The following ZDHHC2 variants were observed in gnomAD, a reference collection of about 807,000 sequenced individuals.
ZDHHC2 encodes palmitoyltransferase ZDHHC2.
In ZDHHC2, 51 loss-of-function variants were observed where a neutral mutation model predicts 55.6. The observed-to-expected ratio is 0.92, with a 90% CI of 0.73 to 1.16. The LOEUF is 1.16. Among genes scored for constraint, ZDHHC2 ranks in the 50% most tolerant of loss-of-function variants. The pLI is 0.00. For missense variants in ZDHHC2, 491 were observed against 442.4 expected, an observed-to-expected ratio of 1.11 and a Z score of -0.99; for synonymous variants, 199 against 152.9, an observed-to-expected ratio of 1.30 and a Z score of -2.22.
chr8:17,179,307 C>T (rs1022278606), intron 1 of ZDHHC2, among the ~76,000 whole-genome samples: 10 of 152,104 alleles, frequency 6.6e-5, no homozygotes, highest in South Asian at 2.1e-4. Flanking sequence ...GAGCGTAAAG[C>T]GCAGCCAGAT....
At chr8:17,173,512 CA>C (rs199991466) in intron 1 of ZDHHC2, among the ~76,000 whole-genome samples, 6 of 148,888 alleles carry the variant, frequency 4.0e-5, no homozygotes, top group East Asian at 2.0e-4. Flanking sequence ...GCTATCGCTA[CA>C]AAAAAAAATA....
intron 1 of ZDHHC2, among the ~76,000 whole-genome samples, chr8:17,164,236 G>A (rs1476566270): frequency 6.6e-6 from 1 of 152,018 alleles, no homozygotes. Flanking sequence ...AATATTAATT[G>A]CCTGAAGTGT....
At chr8:17,183,031 G>A (rs1805517249) in intron 1 of ZDHHC2, among the ~76,000 whole-genome samples, 1 of 152,146 alleles carries the variant, frequency 6.6e-6, no homozygotes, top group African/African-American at 2.4e-5. Context: ...CAAAATGTTG[G>A]GATTACAGGT....
intron 1 of ZDHHC2, among the ~76,000 whole-genome samples, chr8:17,165,584 A>G (rs1334288365): frequency 6.6e-6 from 1 of 152,196 alleles, no homozygotes; most frequent in Admixed American, 6.5e-5. Flanking sequence ...ACCGTCCATA[A>G]TTCATTGGAC....
intron 3 of ZDHHC2, among the ~76,000 whole-genome samples, chr8:17,192,172 G>T (rs915144614): frequency 4.6e-5 from 7 of 152,048 alleles, no homozygotes; most frequent in African/African-American, 1.7e-4. Flanking sequence ...TTTTTGTAGA[G>T]ATGAGATTTC....
chr8:17,174,979 A>C (rs950516060), intron 1 of ZDHHC2, among the ~76,000 whole-genome samples: 2 of 152,074 alleles, frequency 1.3e-5, no homozygotes, highest in Non-Finnish European at 2.9e-5. Context: ...CAGCTGCCTT[A>C]GCTTCCCAAA....
chr8:17,174,750 G>GC (rs1805045180), intron 1 of ZDHHC2, among the ~76,000 whole-genome samples: 1 of 99,750 alleles, frequency 1.0e-5, no homozygotes, highest in Non-Finnish European at 1.9e-5. Context: ...TGGCTTTGTT[G>GC]CCCAGGCTGG....
At chr8:17,173,520 A>AAC (rs1212433597) in intron 1 of ZDHHC2, among the ~76,000 whole-genome samples, 1 of 151,872 alleles carries the variant, frequency 6.6e-6, no homozygotes, top group Non-Finnish European at 1.5e-5. Context: ...TACAAAAAAA[A>AAC]ATAAAATTAT....
intron 6 of ZDHHC2, among the ~76,000 whole-genome samples, chr8:17,199,296 A>G (rs1378991880): frequency 1.3e-5 from 2 of 152,156 alleles, no homozygotes; most frequent in East Asian, 3.9e-4. Flanking sequence ...TAAAGCGTTC[A>G]GGCTAGTCAA....
chr8:17,184,865 A>G lies in ZDHHC2; in HGVS notation c.157+50A>G, dbSNP rs1034052639. 18 of 1,456,456 alleles carry G rather than the reference A, an allele frequency of 1.2e-5. No individual in the cohort carries two copies. In the African/African-American group the frequency reaches 2.3e-4, roughly 19 times the overall value. The allele number at this position is 1,456,456 out of a possible 1,614,324, so 90.2% of individuals were successfully genotyped here. ...TAGATTTTTTAAATAGTTTGAAAAA[A>G]AATTGTATTCACTTAGATTTGGTTG... On this transcript the variant is annotated intron_variant, in intron 2 of 12. Coordinates refer to ENST00000262096, the MANE Select transcript of ZDHHC2 (RefSeq NM_016353.5).
intron 1 of ZDHHC2, among the ~76,000 whole-genome samples, chr8:17,171,623 A>G (rs778903912): frequency 2.0e-5 from 3 of 152,062 alleles, no homozygotes; most frequent in Non-Finnish European, 4.4e-5. Flanking sequence ...ATTTTACACC[A>G]TCTGTTTCTG....
intron 7 of ZDHHC2, among the ~76,000 whole-genome samples, chr8:17,206,593 T>G (rs1168795688): frequency 2.0e-5 from 3 of 152,330 alleles, no homozygotes; most frequent in Admixed American, 1.3e-4. Context: ...AGATTATTTT[T>G]TAAACTATCA....
chr8:17,172,311 C>A (rs541298732), intron 1 of ZDHHC2, among the ~76,000 whole-genome samples: 4 of 152,316 alleles, frequency 2.6e-5, no homozygotes, highest in African/African-American at 9.6e-5. Flanking sequence ...AATATACGGA[C>A]TTTTAATTCG....
At chr8:17,202,789 T>G (rs1015626921) in intron 6 of ZDHHC2, among the ~76,000 whole-genome samples, 1 of 151,786 alleles carries the variant, frequency 6.6e-6, no homozygotes, top group Non-Finnish European at 1.5e-5. Flanking sequence ...ACACATACTC[T>G]ATGTATATAC....
chr8:17,193,586 G>A (rs1415638091), intron 3 of ZDHHC2, among the ~76,000 whole-genome samples: 1 of 152,354 alleles, frequency 6.6e-6, no homozygotes, highest in East Asian at 1.9e-4. Context: ...GCAGTCAGTA[G>A]GTAGCAAAGT....
At chr8:17,180,132 C>T (rs1465323468) in intron 1 of ZDHHC2, among the ~76,000 whole-genome samples, 3 of 152,070 alleles carry the variant, frequency 2.0e-5, no homozygotes, top group Admixed American at 6.6e-5. Context: ...CACCTAACTT[C>T]TTTGGGGTGA....
intron 3 of ZDHHC2, among the ~76,000 whole-genome samples, chr8:17,190,619 A>G (rs1395890039): frequency 6.6e-6 from 1 of 152,180 alleles, no homozygotes; most frequent in Non-Finnish European, 1.5e-5. Flanking sequence ...GCACTAAATT[A>G]TATTTTGAAA....
chr8:17,179,068 A>T (rs1805300590), intron 1 of ZDHHC2, among the ~76,000 whole-genome samples: 1 of 152,104 alleles, frequency 6.6e-6, no homozygotes, highest in Non-Finnish European at 1.5e-5. Context: ...TTCCCACCTC[A>T]GCCTCCCGAG....
At position 17,186,414 on chromosome 8, in the gene ZDHHC2, C is replaced by A; in HGVS notation, c.241C>A (p.Pro81Thr). ...AACTATCTTTACATTACCAATGAATCCTTCAAAAGAAGTAAGTTAAAATAT... is the reference window on the plus strand; with the variant it reads ...AACTATCTTTACATTACCAATGAATACTTCAAAAGAAGTAAGTTAAAATAT... ...WKTIFTLPMN[P>T]SKEFHLSYAE... Residue 81 changes from proline to threonine, a missense_variant, in exon 3 of 13, where the codon CCT becomes ACT. Transcript: ENST00000262096. 1 of 1,542,370 alleles carries A rather than the reference C, an allele frequency of 6.5e-7. No homozygotes were observed. Among genetic ancestry groups the A allele is most frequent in the Non-Finnish European group, 8.7e-7 (1 of 1,146,148 alleles).
Sources: gnomAD v4.1 joint callset for allele counts (sites outside exome capture counted in the v4.1 genomes callset) on GRCh38, gnomAD v4.1.1 for gene constraint, MANE v1.5 for transcripts, NCBI Gene and HGNC (gene_info 2026-07-23, HGNC 2026-07-21) for gene names.